Variants in RGS7 observed in about 807,000 individuals in gnomAD.
RGS7 encodes the protein regulator of G-protein signaling 7.
In RGS7, 27 loss-of-function variants were observed where a neutral mutation model predicts 81.1. The observed-to-expected ratio is 0.33, with a 90% CI of 0.25 to 0.46. The LOEUF (loss-of-function observed/expected upper bound fraction) is 0.46. Ranked by LOEUF, RGS7 falls within the 20% of genes least tolerant of loss-of-function variation. The pLI is 1.00. For synonymous variants in RGS7, 208 were observed against 207.7 expected, an observed-to-expected ratio of 1.00 and a Z score of -0.01; for missense variants, 396 against 607.4, an observed-to-expected ratio of 0.65 and a Z score of 3.66.
chr1:241,244,358 T>C (rs2076413399), intron 2 of RGS7, among the ~76,000 whole-genome samples: 1 of 151,958 alleles, frequency 6.6e-6, no homozygotes, highest in Non-Finnish European at 1.5e-5. Flanking sequence ...CATGAAAAAA[T>C]GCTCATCACC....
At chr1:241,085,191 T>C (rs900681115) in intron 3 of RGS7, among the ~76,000 whole-genome samples, 14 of 152,202 alleles carry the variant, frequency 9.2e-5, no homozygotes, top group Non-Finnish European at 1.3e-4. Context: ...ATTCATCCAA[T>C]AGGGAAAGCC....
At chr1:240,855,793 AG>A (rs1203124067) in intron 9 of RGS7, among the ~76,000 whole-genome samples, 1 of 152,202 alleles carries the variant, frequency 6.6e-6, no homozygotes, top group Non-Finnish European at 1.5e-5. Flanking sequence ...ATTTTTATAC[AG>A]ATAATACCAA....
At chr1:240,973,756 AT>A (rs950858009) in intron 4 of RGS7, among the ~76,000 whole-genome samples, 3 of 150,386 alleles carry the variant, frequency 2.0e-5, no homozygotes, top group African/African-American at 2.4e-5. Context: ...CGCCCGGCTA[AT>A]TTTTTTTTCT....
chr1:240,919,677 G>C, intron 6 of RGS7: 2 of 548,168 alleles, frequency 3.6e-6, no homozygotes, highest in Non-Finnish European at 6.7e-6. Context: ...GTCTCCTAAA[G>C]AACCGAACAG....
chr1:241,003,712 C>T lies in RGS7; in HGVS notation c.176-20583G>A, dbSNP rs551172880. Among the ~76,000 whole-genome samples the T allele has an allele frequency of 1.1e-4, 17 of 152,246 alleles. No homozygotes were observed. In the East Asian group the frequency reaches 1.9e-3, roughly 17 times the overall value. On this transcript the variant is annotated intron_variant, in intron 3 of 18. Transcript: ENST00000440928. ...GGGGCTCTCCCACTCCTGTATCTGC[C>T]TCCAGCAAAGCACTACTGGGATCCA... is the stretch of plus-strand genomic sequence containing the variant.
chr1:240,897,546 G>GT (rs139373369), intron 6 of RGS7, among the ~76,000 whole-genome samples: 52,262 of 151,988 alleles, frequency 0.34, 9,410 homozygotes, highest in East Asian at 0.51. Context: ...TAATCATGTG[G>GT]TTTTTGTCTT....
chr1:241,226,182 G>A (rs772365657), intron 2 of RGS7, among the ~76,000 whole-genome samples: 8 of 151,982 alleles, frequency 5.3e-5, no homozygotes, highest in Non-Finnish European at 1.2e-4. Flanking sequence ...TGTTCTCCTA[G>A]AAAAAGGAAA....
intron 9 of RGS7, among the ~76,000 whole-genome samples, chr1:240,836,103 G>A (rs1294813329): frequency 1.4e-5 from 2 of 146,488 alleles, no homozygotes; most frequent in Non-Finnish European, 3.0e-5. Flanking sequence ...ATATATCAGT[G>A]TCGGTTAATC....
At chr1:241,292,607 A>G (rs1322352993) in intron 2 of RGS7, among the ~76,000 whole-genome samples, 1 of 152,184 alleles carries the variant, frequency 6.6e-6, no homozygotes, top group Non-Finnish European at 1.5e-5. Context: ...AGAGTACAGA[A>G]CACAGAGCTT....
intron 2 of RGS7, among the ~76,000 whole-genome samples, chr1:241,207,032 G>C (rs903649576): frequency 7.8e-6 from 1 of 128,086 alleles, no homozygotes; most frequent in Non-Finnish European, 1.6e-5. Context: ...GCAGTGGTGC[G>C]ATCTGGGCTC....
chr1:241,073,615 C>T (rs1431776109), intron 3 of RGS7, among the ~76,000 whole-genome samples: 1 of 152,286 alleles, frequency 6.6e-6, no homozygotes, highest in East Asian at 1.9e-4. Flanking sequence ...CCCTTGGAAT[C>T]GGGTGAATCT....
At chr1:241,262,914 C>T (rs771178921) in intron 2 of RGS7, among the ~76,000 whole-genome samples, 8 of 152,096 alleles carry the variant, frequency 5.3e-5, no homozygotes, top group Non-Finnish European at 1.2e-4. Context: ...GCCTGGCCAA[C>T]ATGGTGAAAC....
intron 18 of RGS7, among the ~76,000 whole-genome samples, chr1:240,797,740 T>C (rs1010852997): frequency 6.6e-6 from 1 of 152,190 alleles, no homozygotes. Context: ...TTAAAGCATA[T>C]GAACCTTTTT....
chr1:240,794,385 G>T (rs1362639238), intron 18 of RGS7, among the ~76,000 whole-genome samples: 1 of 152,132 alleles, frequency 6.6e-6, no homozygotes, highest in Non-Finnish European at 1.5e-5. Flanking sequence ...ATGAATGAAT[G>T]ATTTAGAAAC....
At chr1:241,259,444 C>T (rs976943192) in intron 2 of RGS7, among the ~76,000 whole-genome samples, 4 of 151,230 alleles carry the variant, frequency 2.6e-5, no homozygotes, top group South Asian at 2.1e-4. Flanking sequence ...CACCTGAGAT[C>T]GGTAGTTCGA....
chr1:241,327,121 A>AGAAAGAAAGAAAGAAAGAAG lies in RGS7; in HGVS notation c.78+28577_78+28578insCTTCTTTCTTTCTTTCTTTC, dbSNP rs2081617994. Reference sequence around the variant, plus strand: ...AAGAAAGAAAGAAAGAAAGAAAGAAAGAAAGAAAGAAAGAAAGAAAGAAAG... The same window carrying AGAAAGAAAGAAAGAAAGAAG: ...AAGAAAGAAAGAAAGAAAGAAAGAAAGAAAGAAAGAAAGAAAGAAGGAAAGAAAGAAAGAAAGAAAGAAAG... On this transcript the variant is annotated intron_variant, in intron 2 of 18. Transcript: ENST00000440928. Among the ~76,000 whole-genome samples, 6 of 111,488 alleles carry AGAAAGAAAGAAAGAAAGAAG rather than the reference A, an allele frequency of 5.4e-5. 1 individual carries two copies. The highest frequency in any genetic ancestry group is 1.7e-4 in the African/African-American group (5 of 29,106). The allele number at this position is 111,488 out of a possible 152,430, so 73.1% of individuals were successfully genotyped here.
chr1:241,258,463 G>A (rs148841657), intron 2 of RGS7, among the ~76,000 whole-genome samples: 231 of 152,152 alleles, frequency 1.5e-3, no homozygotes, highest in African/African-American at 4.7e-3. Flanking sequence ...CAATTAATTC[G>A]GTTACATATT....
intron 2 of RGS7, among the ~76,000 whole-genome samples, chr1:241,203,273 A>AC (rs1262714425): frequency 1.3e-5 from 2 of 151,780 alleles, no homozygotes; most frequent in Admixed American, 6.6e-5. Flanking sequence ...TCGCTCTGTC[A>AC]CCAGGCTGGA....
chr1:240,793,611 A>ATATATATATATATATATAT, intron 18 of RGS7, among the ~76,000 whole-genome samples: 10 of 78,808 alleles, frequency 1.3e-4, no homozygotes, highest in African/African-American at 1.9e-4. Context: ...ATATATATAT[A>ATATATATATATATATATAT]TTTTTTTTTT....
Sources: allele counts gnomAD v4.1 joint callset (sites outside exome capture counted in the v4.1 genomes callset), GRCh38; gene constraint gnomAD v4.1.1; transcripts MANE v1.5; gene names NCBI Gene and HGNC (gene_info 2026-07-23, HGNC 2026-07-21).